KIAA1614: variants seen among roughly 807,000 people sequenced by gnomAD.
The protein encoded by KIAA1614 is uncharacterized protein KIAA1614.
Under a neutral mutation model 88.7 loss-of-function variants are expected in KIAA1614, and 76 were observed. The ratio of observed to expected loss-of-function variants is 0.86; its 90% CI spans 0.71 to 1.04. KIAA1614 has a LOEUF of 1.04. Among genes scored for constraint, KIAA1614 ranks in the 50% least tolerant of loss-of-function variants. The pLI is 0.00. For synonymous variants in KIAA1614, 714 were observed against 675.5 expected, an observed-to-expected ratio of 1.06 and a Z score of -0.88; for missense variants, 1,553 against 1,582.5, an observed-to-expected ratio of 0.98 and a Z score of 0.32.
At chr1:180,929,004 C>T (rs1041236549) in intron 4 of KIAA1614, among the ~76,000 whole-genome samples, 1 of 152,176 alleles carries the variant, frequency 6.6e-6, no homozygotes. Context: ...CACTGGCAAG[C>T]AGTGCAAGAT....
Position 180,928,424 on chromosome 1 carries a change from C to T in KIAA1614, c.1062-6C>T. The stretch of plus-strand genomic sequence containing the variant: ...CCACCACCCTGGCCTGTGTGCCACG[C>T]TGCAGGACCGTTGGTCCCAACCCGG... On this transcript the variant is annotated splice_region_variant and splice_polypyrimidine_tract_variant and intron_variant, in intron 3 of 8. Transcript: ENST00000367588. The T allele has an allele frequency of 6.2e-7, 1 of 1,609,028 alleles. No individual in the cohort carries two copies. The highest frequency in any genetic ancestry group is 8.5e-7 in the Non-Finnish European group (1 of 1,177,262).
chr1:180,950,419 C>G lies in KIAA1614; in HGVS notation c.*4831C>G. On this transcript the variant is annotated 3_prime_UTR_variant, in exon 9 of 9. Transcript: ENST00000367588. ...TGCTGGGGGTGGGCGATGAGATCCT[C>G]GAGGTGAACGGGGCCAAGGTGGCAG... The G allele has an allele frequency of 8.2e-7, 1 of 1,218,416 alleles. No individual in the cohort carries two copies. The highest frequency in any genetic ancestry group is 1.0e-6 in the Non-Finnish European group (1 of 953,272). 75.5% of individuals were successfully genotyped at this position (1,218,416 alleles called of 1,614,324 possible).
intron 4 of KIAA1614, among the ~76,000 whole-genome samples, chr1:180,931,755 G>T (rs1654201919): frequency 6.6e-6 from 1 of 152,216 alleles, no homozygotes; most frequent in African/African-American, 2.4e-5. Flanking sequence ...TGGCTCATGG[G>T]ACCTGGGCTC....
Position 180,917,069 on chromosome 1 carries a change from C to T in KIAA1614, c.966C>T (p.Ala322=). ...GCCCCCGCAAGGTGGGAACCCCTGC[C>T]TGGACTCCATCCTGGGACACAGCTG... ...GQSPRKVGTP[A]WTPSWDTAAP... is the part of the protein sequence containing the mutation. Residue 322 remains alanine (A), a synonymous_variant, in exon 2 of 9, where the codon GCC becomes GCT. Transcript: ENST00000367588. 1 of 1,613,460 alleles carries T rather than the reference C, an allele frequency of 6.2e-7. No homozygotes were observed. Among genetic ancestry groups the T allele is most frequent in the Non-Finnish European group, 8.5e-7 (1 of 1,179,974 alleles).
rs1268878603 is a variant in KIAA1614, at chr1:180,935,905, G to C, written c.1996G>C (p.Glu666Gln). 6.2e-7 allele frequency: 1 copy of C among 1,613,868 alleles called. No homozygotes were observed. The highest frequency in any genetic ancestry group is 8.5e-7 in the Non-Finnish European group (1 of 1,179,938). ...GHRWSKKAEA[E>Q]LPWGLQAQQH... is the part of the protein sequence containing the mutation. ...CAGGTGGTCCAAGAAGGCTGAGGCGGAGCTCCCTTGGGGCCTTCAGGCCCA... is the reference window on the plus strand; with the variant it reads ...CAGGTGGTCCAAGAAGGCTGAGGCGCAGCTCCCTTGGGGCCTTCAGGCCCA... Residue 666 changes from glutamate (E) to glutamine (Q), a missense_variant, in exon 5 of 9, where the codon GAG becomes CAG. Glu to Gln is a conservative substitution (Grantham distance 29). Coordinates refer to ENST00000367588, the MANE Select transcript of KIAA1614 (RefSeq NM_020950.2). The surrounding 1 kb of genome is among the most constrained non-coding windows in gnomAD (Gnocchi z 6.1).
chr1:180,913,133 T>C lies in KIAA1614; in HGVS notation c.-111T>C, dbSNP rs1375338204. On this transcript the variant is annotated 5_prime_UTR_variant, in exon 1 of 9. Coordinates refer to ENST00000367588, the MANE Select transcript of KIAA1614 (RefSeq NM_020950.2). The stretch of plus-strand genomic sequence containing the variant: ...CGGCCGCGCCCCGAGGGGCGAGGCC[T>C]GCGGGCCGCACTCCCTCCGGCCCCG... 4.7e-6 allele frequency: 4 copies of C among 846,580 alleles called. No individual in the cohort carries two copies. Among genetic ancestry groups the C allele is most frequent in the South Asian group, 1.2e-4 (2 of 16,566 alleles). The allele number at this position is 846,580 out of a possible 1,614,324, so 52.4% of individuals were successfully genotyped here.
chr1:180,944,475 C>A lies in KIAA1614; in HGVS notation c.3246C>A (p.Leu1082=), dbSNP rs1223282146. 6.2e-7 allele frequency: 1 copy of A among 1,613,832 alleles called. No individual in the cohort carries two copies. Among genetic ancestry groups the A allele is most frequent in the Non-Finnish European group, 8.5e-7 (1 of 1,179,892 alleles). Residue 1082 remains leucine, a synonymous_variant, in exon 8 of 9, where the codon CTC becomes CTA. Transcript: ENST00000367588. The stretch of plus-strand genomic sequence containing the variant: ...GCAGCAAGGGGAACCGGTCCAGCCT[C>A]TACCTGGTAGCAGGGCCAGGGGACC... ...LLSSKGNRSS[L]YLVAGPGDHS...
intron 1 of KIAA1614, chr1:180,914,091 G>A (rs560378776): frequency 3.3e-5 from 5 of 151,826 alleles, no homozygotes; most frequent in African/African-American, 7.2e-5. Context: ...TCCGTGTTAC[G>A]AAGTGGATAA....
At chr1:180,932,200 G>T (rs1398616368) in intron 4 of KIAA1614, among the ~76,000 whole-genome samples, 2 of 151,882 alleles carry the variant, frequency 1.3e-5, no homozygotes, top group Non-Finnish European at 2.9e-5. Flanking sequence ...ATATCAGAGG[G>T]GCCTCCCGAC....
rs376517410 is a variant in KIAA1614, at chr1:180,944,411, G to A, written c.3182G>A (p.Arg1061Gln). 1.4e-4 allele frequency: 224 copies of A among 1,613,562 alleles called. No individual in the cohort carries two copies. The highest frequency in any genetic ancestry group is 1.8e-4 in the Non-Finnish European group (207 of 1,179,764). Residue 1061 changes from arginine to glutamine, a missense_variant, in exon 8 of 9, where the codon CGG becomes CAG. Transcript: ENST00000367588. ...LHPVSPSHQR[R>Q]KAASFQNLHS... The stretch of plus-strand genomic sequence containing the variant: ...CAGGTGTCACCCTCTCACCAGCGTC[G>A]GAAAGCTGCCTCTTTTCAGAACCTC...
At position 180,951,219 on chromosome 1, in the gene KIAA1614, C is replaced by T. The variant is rs1328993559; in HGVS notation, c.*5631C>T. ...ATAAAGTTGAAAACAACAACAACAACAACAAAGACCAATTTCAGGACGTGC... is the reference window on the plus strand; with the variant it reads ...ATAAAGTTGAAAACAACAACAACAATAACAAAGACCAATTTCAGGACGTGC... On this transcript the variant is annotated 3_prime_UTR_variant, in exon 9 of 9. Transcript: ENST00000367588. The T allele has an allele frequency of 6.9e-6, 1 of 145,380 alleles. No homozygotes were observed. Among genetic ancestry groups the T allele is most frequent in the Non-Finnish European group, 1.5e-5 (1 of 64,530 alleles). 9.0% of individuals were successfully genotyped at this position (145,380 alleles called of 1,614,324 possible).
intron 3 of KIAA1614, among the ~76,000 whole-genome samples, chr1:180,922,085 C>T (rs890164893): frequency 3.9e-5 from 6 of 152,248 alleles, no homozygotes; most frequent in Non-Finnish European, 8.8e-5. Context: ...CCGAGGCCCT[C>T]GGCCTCCTCG....
At chr1:180,932,661 A>T (rs567959731) in intron 4 of KIAA1614, among the ~76,000 whole-genome samples, 2 of 152,240 alleles carry the variant, frequency 1.3e-5, no homozygotes, top group South Asian at 4.1e-4. Context: ...ATCTGCTGAA[A>T]TCTCAAAGCA....
At chr1:180,917,740 TG>T (rs1558063937) in intron 2 of KIAA1614, 110 bp from the exon 3 acceptor site, 1 of 872,370 alleles carries the variant, frequency 1.1e-6, no homozygotes, top group African/African-American at 1.7e-5. Context: ...TAGATTTATC[TG>T]GGGAGTAAGT....
chr1:180,929,977 C>T (rs544738985), intron 4 of KIAA1614, among the ~76,000 whole-genome samples: 11 of 152,294 alleles, frequency 7.2e-5, no homozygotes, highest in Non-Finnish European at 1.3e-4. Flanking sequence ...ACCACTGAGA[C>T]GACTCCTTCA....
At chr1:180,914,866 G>A (rs1653742786) in intron 1 of KIAA1614, among the ~76,000 whole-genome samples, 1 of 152,174 alleles carries the variant, frequency 6.6e-6, no homozygotes, top group South Asian at 2.1e-4. Context: ...AGCCTCCTGA[G>A]TAGCTGGGAC....
At chr1:180,938,532 G>A (rs765605582) in intron 5 of KIAA1614, 23 bp from the exon 6 acceptor site, 3 of 1,612,238 alleles carry the variant, frequency 1.9e-6, no homozygotes, top group African/African-American at 1.3e-5. Flanking sequence ...TCTGACTCAG[G>A]TGGGATGCTG....
chr1:180,945,834 G>A lies in KIAA1614; in HGVS notation c.*246G>A. The A allele has an allele frequency of 7.8e-7, 1 of 1,276,806 alleles. No homozygotes were observed. The highest frequency in any genetic ancestry group is 9.8e-7 in the Non-Finnish European group (1 of 1,015,256). The allele number at this position is 1,276,806 out of a possible 1,614,324, so 79.1% of individuals were successfully genotyped here. ...AAATTAGAAGCTTAGGCCGGGCGCA[G>A]TGGCTCATGCCTGTAATCCCAGAAC... On this transcript the variant is annotated 3_prime_UTR_variant, in exon 9 of 9. Coordinates refer to ENST00000367588, the MANE Select transcript of KIAA1614 (RefSeq NM_020950.2).
intron 3 of KIAA1614, among the ~76,000 whole-genome samples, chr1:180,921,867 C>A (rs1653959937): frequency 6.6e-6 from 1 of 152,208 alleles, no homozygotes; most frequent in Non-Finnish European, 1.5e-5. Flanking sequence ...GGGCCGCGCT[C>A]AGGCTCTCTC....
Sources: allele counts gnomAD v4.1 joint callset (sites outside exome capture counted in the v4.1 genomes callset), GRCh38; gene constraint gnomAD v4.1.1; non-coding constraint Gnocchi (gnomAD v3.1); transcripts MANE v1.5; gene names NCBI Gene and HGNC (gene_info 2026-07-23, HGNC 2026-07-21).